Variants in GDA observed in about 807,000 individuals in gnomAD.
GDA encodes the protein guanine deaminase, also known as cytoplasmic PSD-95 interactor.
A neutral mutation model predicts 59.6 loss-of-function variants in GDA; 18 were observed. The ratio of observed to expected loss-of-function variants is 0.30; its 90% CI spans 0.21 to 0.45. The LOEUF (loss-of-function observed/expected upper bound fraction) is 0.45. GDA is among the 20% of genes least tolerant of loss of function. The probability of loss-of-function intolerance (pLI) is 1.00; values close to 1 mark genes in which losing one functional copy is unlikely to be tolerated. For missense variants in GDA, 427 were observed against 552.3 expected (o/e 0.77, Z 2.27); for synonymous variants, 201 against 201.1 (o/e 1.00, Z 0.00).
chr9:72,231,176 G>A lies in GDA; in HGVS notation c.983G>A (p.Gly328Asp). Residue 328 changes from glycine to aspartate, a missense_variant, in exon 10 of 14, where the codon GGT becomes GAT. Gly to Asp is a moderately conservative substitution (Grantham distance 94). Coordinates refer to ENST00000358399, the MANE Select transcript of GDA (RefSeq NM_004293.5). ...AAACATGAAGTCAAGATAGGGCTGG[G>A]TACAGGTTAGTAGTTCACCATTTGG... ...VLKHEVKIGL[G>D]TDVAGGYSYS... The A allele has an allele frequency of 6.5e-7, 1 of 1,536,686 alleles. No homozygotes were observed. Among genetic ancestry groups the A allele is most frequent in the Non-Finnish European group, 9.0e-7 (1 of 1,109,638 alleles).
chr9:72,254,628 A>T (rs970543660), downstream of GDA, among the ~76,000 whole-genome samples: 2 of 152,168 alleles, frequency 1.3e-5, no homozygotes, highest in Non-Finnish European at 2.9e-5. Context: ...GAAGATGGTT[A>T]TTTGGTCAGA....
chr9:72,140,560 G>A (rs1333834199), intron 1 of GDA, among the ~76,000 whole-genome samples: 1 of 152,050 alleles, frequency 6.6e-6, no homozygotes. Flanking sequence ...GCTGGTTTTT[G>A]ATTGATTTTG....
rs1318676587 is a variant in GDA at position 72,213,800 on chromosome 9, CTCAA to C, written c.473-85_473-82del. ...CCTGGGCTAAACAGCGGGACTCCGTCTCAAAAAAAAAAAAAAAAAGAAAAAGAAA... is the reference window on the plus strand; with the variant it reads ...CCTGGGCTAAACAGCGGGACTCCGTCAAAAAAAAAAAAAAAGAAAAAGAAA... On this transcript the variant is annotated intron_variant, in intron 4 of 13. Coordinates refer to ENST00000358399, the MANE Select transcript of GDA (RefSeq NM_004293.5). 25 of 693,376 alleles carry C rather than the reference CTCAA, an allele frequency of 3.6e-5. No homozygotes were observed. In the Admixed American group the frequency reaches 6.5e-4, roughly 18 times the overall value. The allele number at this position is 693,376 out of a possible 1,614,324, so 43.0% of individuals were successfully genotyped here.
At chr9:72,227,742 G>A (rs572152934) in intron 8 of GDA, among the ~76,000 whole-genome samples, 6 of 152,252 alleles carry the variant, frequency 3.9e-5, no homozygotes, top group Admixed American at 2.0e-4. Flanking sequence ...TGAGACTTTC[G>A]TAAGACAATG....
intron 8 of GDA, among the ~76,000 whole-genome samples, chr9:72,226,005 G>C (rs1411580090): frequency 6.6e-6 from 1 of 150,600 alleles, no homozygotes; most frequent in African/African-American, 2.5e-5. Flanking sequence ...GTGTGTGTGT[G>C]TGTGTGTGTG....
intron 1 of GDA, among the ~76,000 whole-genome samples, chr9:72,176,697 T>A (rs1830575124): frequency 6.6e-6 from 1 of 152,330 alleles, no homozygotes; most frequent in East Asian, 1.9e-4. Context: ...GAAAGCTCTA[T>A]TGTGGATATT....
chr9:72,188,331 T>G (rs530587338), intron 1 of GDA, among the ~76,000 whole-genome samples: 13 of 152,232 alleles, frequency 8.5e-5, no homozygotes, highest in African/African-American at 2.4e-4. Context: ...GTTTGAGGGG[T>G]TGGGCTAGGA....
intron 1 of GDA, among the ~76,000 whole-genome samples, chr9:72,151,152 CAGA>C (rs1348940089): frequency 6.6e-6 from 1 of 152,164 alleles, no homozygotes; most frequent in Admixed American, 6.5e-5. Context: ...GGTGCTTGTA[CAGA>C]AGAAGAATAA....
intron 3 of GDA, 152 bp downstream of exon 3, chr9:72,202,894 T>TATAC: frequency 2.1e-6 from 1 of 467,534 alleles, no homozygotes; most frequent in South Asian, 4.7e-5. Context: ...TCCAGTGAGT[T>TATAC]TGTGACCACC....
chr9:72,154,831 C>T (rs2130774050), intron 1 of GDA, among the ~76,000 whole-genome samples: 1 of 152,324 alleles, frequency 6.6e-6, no homozygotes, highest in African/African-American at 2.4e-5. Context: ...AAAGAATCTG[C>T]ACTTTGGCAC....
intron 1 of GDA, among the ~76,000 whole-genome samples, chr9:72,184,268 A>T (rs1158073423): frequency 6.6e-6 from 1 of 152,198 alleles, no homozygotes; most frequent in Non-Finnish European, 1.5e-5. Flanking sequence ...TTTGTACATT[A>T]TGTGGTTTTG....
intron 4 of GDA, among the ~76,000 whole-genome samples, chr9:72,212,867 C>G (rs1477506517): frequency 2.6e-5 from 4 of 152,078 alleles, no homozygotes; most frequent in Non-Finnish European, 5.9e-5. Flanking sequence ...TCTTTAGGAC[C>G]TGAGACTGTT....
chr9:72,198,982 A>G (rs1322392685), intron 2 of GDA, among the ~76,000 whole-genome samples: 2 of 151,972 alleles, frequency 1.3e-5, no homozygotes, highest in Non-Finnish European at 2.9e-5. Context: ...AGAAGAGGAA[A>G]GCTGAAAAGA....
Position 72,210,667 on chromosome 9 carries a change from T to A in GDA, c.385-20T>A, listed in dbSNP as rs1374723230. ...TTTTCTGAGCACACGTGATTCGCGGTTTTTGTGATTTATTTTTAGAGGAGA... is the reference window on the plus strand; with the variant it reads ...TTTTCTGAGCACACGTGATTCGCGGATTTTGTGATTTATTTTTAGAGGAGA... On this transcript the variant is annotated intron_variant, in intron 3 of 13. Transcript: ENST00000358399. The A allele has an allele frequency of 6.8e-7, 1 of 1,472,126 alleles. No individual in the cohort carries two copies. Among genetic ancestry groups the A allele is most frequent in the African/African-American group, 1.4e-5 (1 of 72,314 alleles). 91.2% of individuals were successfully genotyped at this position (1,472,126 alleles called of 1,614,324 possible).
intron 5 of GDA, among the ~76,000 whole-genome samples, chr9:72,217,124 T>C (rs1443202599): frequency 6.6e-6 from 1 of 152,210 alleles, no homozygotes; most frequent in East Asian, 1.9e-4. Flanking sequence ...TTTTATGGTA[T>C]GTAAATTATA....
chr9:72,225,849 C>A, intron 8 of GDA, 65 bp downstream of exon 8: 1 of 672,564 alleles, frequency 1.5e-6, no homozygotes, highest in Non-Finnish European at 2.6e-6. Context: ...TTTAAAATCT[C>A]AATAGTAATC....
intron 1 of GDA, among the ~76,000 whole-genome samples, chr9:72,163,819 T>G (rs908647976): frequency 5.3e-5 from 8 of 152,158 alleles, no homozygotes; most frequent in Admixed American, 5.2e-4. Flanking sequence ...CAGGAGATTG[T>G]TTCAGCAGCT....
chr9:72,254,712 A>G (rs1840846964), downstream of GDA, among the ~76,000 whole-genome samples: 1 of 152,232 alleles, frequency 6.6e-6, no homozygotes, highest in Non-Finnish European at 1.5e-5. Context: ...AGTCTGGGCC[A>G]GTCTCCAGAT....
chr9:72,170,963 T>C (rs574413065), intron 1 of GDA, among the ~76,000 whole-genome samples: 4 of 152,254 alleles, frequency 2.6e-5, no homozygotes, highest in Admixed American at 2.6e-4. Context: ...ACTACAGGCG[T>C]GCACCACCAT....
Sources: gnomAD v4.1 joint callset for allele counts (sites outside exome capture counted in the v4.1 genomes callset) on GRCh38, gnomAD v4.1.1 for gene constraint, MANE v1.5 for transcripts, NCBI Gene and HGNC (gene_info 2026-07-23, HGNC 2026-07-21) for gene names.